Variants in KATNAL1 observed in about 807,000 individuals in gnomAD.
KATNAL1 encodes katanin p60 ATPase-containing subunit A-like 1.
A neutral mutation model predicts 55.2 loss-of-function variants in KATNAL1; 32 were observed. The observed-to-expected ratio is 0.58, with a 90% CI of 0.44 to 0.78. The LOEUF (loss-of-function observed/expected upper bound fraction) is 0.78. KATNAL1 is among the 30% of genes least tolerant of loss of function. The pLI, the probability that KATNAL1 is intolerant of heterozygous loss-of-function variation, is 0.00. For synonymous variants in KATNAL1, 193 were observed against 193.6 expected (o/e 1.00, Z 0.02); for missense variants, 466 against 600.9 (o/e 0.78, Z 2.35).
chr13:30,242,396 T>C (rs963591026), intron 4 of KATNAL1, among the ~76,000 whole-genome samples: 2 of 152,082 alleles, frequency 1.3e-5, no homozygotes, highest in African/African-American at 4.8e-5. Flanking sequence ...AAACAGTAAA[T>C]ATTTGGGCAT....
At chr13:30,223,210 C>A (rs919694993) in intron 9 of KATNAL1, among the ~76,000 whole-genome samples, 1 of 150,690 alleles carries the variant, frequency 6.6e-6, no homozygotes, top group African/African-American at 2.5e-5. Context: ...GAGGCCAAGG[C>A]GGGCGGATCA....
chr13:30,225,228 T>C (rs1263636951), intron 9 of KATNAL1, among the ~76,000 whole-genome samples: 1 of 152,224 alleles, frequency 6.6e-6, no homozygotes, highest in African/African-American at 2.4e-5. Context: ...AGTTTGTCCT[T>C]ACTTCTACCA....
At chr13:30,289,234 G>A (rs139342819) in intron 1 of KATNAL1, among the ~76,000 whole-genome samples, 2 of 152,248 alleles carry the variant, frequency 1.3e-5, no homozygotes, top group East Asian at 1.9e-4. Flanking sequence ...CTCATCAAAA[G>A]CCAAGGAAAA....
chr13:30,306,371 C>T (rs1370377249), intron 1 of KATNAL1, among the ~76,000 whole-genome samples: 3 of 151,648 alleles, frequency 2.0e-5, no homozygotes, highest in Non-Finnish European at 4.4e-5. Flanking sequence ...CTGCCTACTG[C>T]TAAAAAAGTC....
In KATNAL1 at chr13:30,226,537, AAT is replaced by A. The variant is rs370444081; in HGVS notation, c.1147+873_1147+874del. Among the ~76,000 whole-genome samples, 429 of 152,284 alleles carry A rather than the reference AAT, an allele frequency of 2.8e-3. 4 individuals are homozygous for A. The highest frequency in any genetic ancestry group is 9.8e-3 in the African/African-American group (407 of 41,566). On this transcript the variant is annotated intron_variant, in intron 9 of 10. Transcript: ENST00000380615. Reference sequence around the variant, plus strand: ...ATGAAGTTTAACAAGAGAAAGAACTAATCTATGGTGATAAAAATCACGTACAG... The same window carrying A: ...ATGAAGTTTAACAAGAGAAAGAACTACTATGGTGATAAAAATCACGTACAG...
chr13:30,204,472 G>A lies in KATNAL1; in HGVS notation c.*4068C>T, dbSNP rs1477172347. ...GAATCACAGCTACCTCAGCTGGTTA[G>A]TGTTTTATGATTCTCATCACACATT... On this transcript the variant is annotated 3_prime_UTR_variant, in exon 11 of 11. Transcript: ENST00000380615. 27 of 152,156 alleles carry A rather than the reference G, an allele frequency of 1.8e-4. No individual in the cohort carries two copies. Among genetic ancestry groups the A allele is most frequent in the Admixed American group, 1.8e-3 (27 of 15,278 alleles). The allele number at this position is 152,156 out of a possible 1,614,324, so 9.4% of individuals were successfully genotyped here. A position where few individuals can be genotyped will look rare whatever the true frequency, so the allele number is the denominator to read the frequency against.
At chr13:30,217,351 G>T (rs1240060624) in intron 9 of KATNAL1, among the ~76,000 whole-genome samples, 1 of 152,174 alleles carries the variant, frequency 6.6e-6, no homozygotes, top group Admixed American at 6.5e-5. Flanking sequence ...CTACTCGGGA[G>T]GGGGAGGCAG....
At chr13:30,212,019 G>C (rs1368928255) in intron 9 of KATNAL1, among the ~76,000 whole-genome samples, 1 of 152,026 alleles carries the variant, frequency 6.6e-6, no homozygotes, top group Non-Finnish European at 1.5e-5. Context: ...TATCCACAGG[G>C]AAAAAAATGA....
At chr13:30,262,263 G>A (rs922344059) in intron 3 of KATNAL1, among the ~76,000 whole-genome samples, 1 of 151,932 alleles carries the variant, frequency 6.6e-6, no homozygotes, top group African/African-American at 2.4e-5. Flanking sequence ...ACAAGAGAAA[G>A]CAGGAAAGAT....
intron 9 of KATNAL1, among the ~76,000 whole-genome samples, chr13:30,223,314 C>T (rs1381753626): frequency 6.3e-5 from 9 of 142,036 alleles, no homozygotes; most frequent in African/African-American, 7.8e-5. Flanking sequence ...TGGTGGCAGG[C>T]GCCTGTGGTC....
intron 1 of KATNAL1, among the ~76,000 whole-genome samples, chr13:30,304,135 A>C (rs764634310): frequency 6.6e-6 from 1 of 152,218 alleles, no homozygotes; most frequent in Non-Finnish European, 1.5e-5. Flanking sequence ...AGTTGGAGAC[A>C]CAAAATTAGA....
intron 6 of KATNAL1, 133 bp downstream of exon 6, chr13:30,240,327 T>TG (rs1002202481): frequency 1.6e-6 from 1 of 608,196 alleles, no homozygotes; most frequent in Non-Finnish European, 2.9e-6. Context: ...CAAATCCAGG[T>TG]GTTTTGGGTG....
chr13:30,303,922 G>A (rs1883020252), intron 1 of KATNAL1, among the ~76,000 whole-genome samples: 1 of 152,296 alleles, frequency 6.6e-6, no homozygotes, highest in South Asian at 2.1e-4. Context: ...GTCTAGAACA[G>A]GGCCTTTCTA....
In KATNAL1 at chr13:30,296,357, G is replaced by A. The variant is rs536174035; in HGVS notation, c.-15+10974C>T. 95 of 1,131,166 alleles carry A rather than the reference G, an allele frequency of 8.4e-5. 1 individual carries two copies. The African/African-American group carries it at 8.8e-4, about 11-fold the overall frequency. The allele number at this position is 1,131,166 out of a possible 1,614,324, so 70.1% of individuals were successfully genotyped here. A position where few individuals can be genotyped will look rare whatever the true frequency, so the allele number is the denominator to read the frequency against. On this transcript the variant is annotated intron_variant, in intron 1 of 10. Coordinates refer to ENST00000380615, the MANE Select transcript of KATNAL1 (RefSeq NM_032116.5). ...CGAGGACTTCCGCAAGCTGGGCTGCGAAGTGCTGGGCATCTTGGTGGACTC... is the reference window on the plus strand; with the variant it reads ...CGAGGACTTCCGCAAGCTGGGCTGCAAAGTGCTGGGCATCTTGGTGGACTC...
intron 3 of KATNAL1, among the ~76,000 whole-genome samples, chr13:30,259,419 G>A (rs1045446541): frequency 2.0e-5 from 3 of 152,124 alleles, no homozygotes; most frequent in African/African-American, 4.8e-5. Context: ...CAGTGTGAGC[G>A]ACGCAAAAGA....
intron 7 of KATNAL1, 69 bp from the exon 8 acceptor site, chr13:30,230,663 T>A: frequency 8.2e-7 from 1 of 1,218,982 alleles, no homozygotes; most frequent in Admixed American, 2.6e-5. Context: ...TAAAAAAATC[T>A]TTTAAAACAA....
intron 1 of KATNAL1, among the ~76,000 whole-genome samples, chr13:30,301,105 C>T (rs148943187): frequency 8.5e-5 from 13 of 152,260 alleles, no homozygotes; most frequent in African/African-American, 2.6e-4. Flanking sequence ...TGGTGGCTCA[C>T]GCCTGTAATC....
rs974438478 is a variant in KATNAL1 at position 30,205,680 on chromosome 13, C to G, written c.*2860G>C. 4 of 143,206 alleles carry G rather than the reference C, an allele frequency of 2.8e-5. No homozygotes were observed. The highest frequency in any genetic ancestry group is 2.1e-4 in the Admixed American group (3 of 14,024). The allele number at this position is 143,206 out of a possible 1,614,324, so 8.9% of individuals were successfully genotyped here. ...ATGTACATTAAAAGTTAGGGCTGGG[C>G]ACAGTGGCTCACGCCTGTAATCCAA... On this transcript the variant is annotated 3_prime_UTR_variant, in exon 11 of 11. Transcript: ENST00000380615.
At chr13:30,262,594 T>C (rs950025591) in intron 3 of KATNAL1, among the ~76,000 whole-genome samples, 2 of 152,108 alleles carry the variant, frequency 1.3e-5, no homozygotes, top group African/African-American at 4.8e-5. Flanking sequence ...TAAACACCTC[T>C]ACGCAAATAA....
Sources: gnomAD v4.1 joint callset for allele counts (sites outside exome capture counted in the v4.1 genomes callset) on GRCh38, gnomAD v4.1.1 for gene constraint, MANE v1.5 for transcripts, NCBI Gene and HGNC (gene_info 2026-07-23, HGNC 2026-07-21) for gene names.